GSK3B: variants seen among roughly 807,000 people sequenced by gnomAD.
GSK3B encodes the protein glycogen synthase kinase 3 beta.
A neutral mutation model predicts 56.4 loss-of-function variants in GSK3B; 15 were observed. That is an observed-to-expected ratio of 0.27 (90% CI 0.18 to 0.41). The LOEUF is 0.41. GSK3B is among the 10% of genes least tolerant of loss of function. GSK3B has a pLI of 1.00. For synonymous variants in GSK3B, 181 were observed against 188.9 expected (o/e 0.96, Z 0.34); for missense variants, 300 against 513.4 (o/e 0.58, Z 4.02).
intron 1 of GSK3B, among the ~76,000 whole-genome samples, chr3:120,038,648 T>C (rs1393476948): frequency 6.6e-6 from 1 of 151,982 alleles, no homozygotes; most frequent in Non-Finnish European, 1.5e-5. Context: ...TACACAAAAA[T>C]TAACTCAAAA....
intron 10 of GSK3B, among the ~76,000 whole-genome samples, chr3:119,839,097 G>A (rs913043073): frequency 1.3e-5 from 2 of 152,164 alleles, no homozygotes; most frequent in African/African-American, 4.8e-5. Flanking sequence ...TGATGACAGA[G>A]AACAATTACA....
At chr3:119,876,681 G>A (rs746538282) in intron 7 of GSK3B, among the ~76,000 whole-genome samples, 173 bp from the exon 8 acceptor site, 10 of 152,144 alleles carry the variant, frequency 6.6e-5, no homozygotes, top group Admixed American at 1.3e-4. Flanking sequence ...CTCATGTGTT[G>A]GAAACTTAAT....
intron 2 of GSK3B, among the ~76,000 whole-genome samples, chr3:119,948,464 G>C (rs2057122487): frequency 6.6e-6 from 1 of 152,166 alleles, no homozygotes; most frequent in South Asian, 2.1e-4. Flanking sequence ...CCTTTTATAA[G>C]ATATCAATCT....
At chr3:119,909,804 A>G (rs1287279810) in intron 6 of GSK3B, among the ~76,000 whole-genome samples, 2 of 151,884 alleles carry the variant, frequency 1.3e-5, no homozygotes, top group Non-Finnish European at 2.9e-5. Flanking sequence ...GTCAATGATG[A>G]TTAAAGCTAA....
chr3:120,024,825 T>C (rs1049874188), intron 1 of GSK3B, among the ~76,000 whole-genome samples: 2 of 151,754 alleles, frequency 1.3e-5, no homozygotes, highest in Non-Finnish European at 2.9e-5. Flanking sequence ...AGGGAAGCAA[T>C]GGAGTGGGAA....
chr3:120,041,303 T>C, intron 1 of GSK3B: 2 of 294,640 alleles, frequency 6.8e-6, no homozygotes, highest in Non-Finnish European at 1.4e-5. Flanking sequence ...TAGATAACCT[T>C]CCAGCTGATA....
chr3:120,000,668 C>G, intron 2 of GSK3B, among the ~76,000 whole-genome samples: 1 of 152,028 alleles, frequency 6.6e-6, no homozygotes, highest in East Asian at 1.9e-4. Context: ...TCTTCTGACT[C>G]TCTCTGCTAT....
intron 1 of GSK3B, among the ~76,000 whole-genome samples, chr3:120,033,703 C>T (rs1576285710): frequency 6.6e-6 from 1 of 152,202 alleles, no homozygotes; most frequent in South Asian, 2.1e-4. Context: ...GACAGACTTC[C>T]CCCTTGCTGT....
At chr3:119,927,921 T>A (rs558751537) in intron 3 of GSK3B, among the ~76,000 whole-genome samples, 2 of 152,230 alleles carry the variant, frequency 1.3e-5, no homozygotes, top group South Asian at 4.2e-4. Context: ...GAAATTTCTA[T>A]AAGGGTGAGA....
intron 2 of GSK3B, among the ~76,000 whole-genome samples, chr3:119,970,188 C>T (rs2057352644): frequency 6.6e-6 from 1 of 152,114 alleles, no homozygotes; most frequent in African/African-American, 2.4e-5. Context: ...GGTTTTAGTG[C>T]CATCTGCAGT....
intron 1 of GSK3B, among the ~76,000 whole-genome samples, chr3:120,056,110 C>G (rs1196825079): frequency 6.6e-6 from 1 of 152,164 alleles, no homozygotes; most frequent in Admixed American, 6.5e-5. Flanking sequence ...CAGGTATCTT[C>G]TATTAAGCAA....
At chr3:120,090,551 T>G (rs1161369845) in intron 1 of GSK3B, among the ~76,000 whole-genome samples, 1 of 152,180 alleles carries the variant, frequency 6.6e-6, no homozygotes, top group Non-Finnish European at 1.5e-5. Context: ...TTTTAACTCT[T>G]GACTCCTTCA....
intron 1 of GSK3B, among the ~76,000 whole-genome samples, chr3:120,039,167 G>C (rs2058046217): frequency 1.3e-5 from 2 of 152,146 alleles, no homozygotes; most frequent in Non-Finnish European, 1.5e-5. Flanking sequence ...GAACAGAATG[G>C]CTAAAATCCC....
chr3:119,828,887 T>A (rs1462843626), intron 10 of GSK3B, among the ~76,000 whole-genome samples: 1 of 152,252 alleles, frequency 6.6e-6, no homozygotes, highest in African/African-American at 2.4e-5. Flanking sequence ...AATCTTGTTG[T>A]CATGTACACA....
In GSK3B at chr3:119,826,386, A is replaced by T. The variant is rs1023621563; in HGVS notation, c.*402T>A. 4.8e-6 allele frequency: 2 copies of T among 416,980 alleles called. No homozygotes were observed. The highest frequency in any genetic ancestry group is 4.0e-5 in the African/African-American group (2 of 50,062). The allele number at this position is 416,980 out of a possible 1,614,324, so 25.8% of individuals were successfully genotyped here. A position where few individuals can be genotyped will look rare whatever the true frequency, so the allele number is the denominator to read the frequency against. Reference sequence around the variant, plus strand: ...GTCTCACACTAGACTTTAAAAGAAAACAAAGTTCAAAAAAACCCATCAGCA... The same window carrying T: ...GTCTCACACTAGACTTTAAAAGAAATCAAAGTTCAAAAAAACCCATCAGCA... On this transcript the variant is annotated 3_prime_UTR_variant, in exon 11 of 11. Transcript: ENST00000264235.
At chr3:119,877,731 T>C (rs1366989645) in intron 7 of GSK3B, among the ~76,000 whole-genome samples, 1 of 152,150 alleles carries the variant, frequency 6.6e-6, no homozygotes. Context: ...CAAAAAAGTA[T>C]AATTACAGTA....
intron 1 of GSK3B, among the ~76,000 whole-genome samples, chr3:120,087,109 A>G (rs935139009): frequency 1.3e-5 from 2 of 152,228 alleles, no homozygotes; most frequent in African/African-American, 4.8e-5. Context: ...TTGTCTGCAG[A>G]TATTAGCTGC....
At chr3:120,021,516 C>CAA (rs529653038) in intron 1 of GSK3B, among the ~76,000 whole-genome samples, 2 of 129,036 alleles carry the variant, frequency 1.5e-5, no homozygotes, top group Admixed American at 7.9e-5. Flanking sequence ...ACTCCATCTC[C>CAA]AAAAAAAAAA....
intron 1 of GSK3B, among the ~76,000 whole-genome samples, chr3:120,022,380 T>C (rs1303763127): frequency 2.0e-5 from 3 of 152,246 alleles, no homozygotes; most frequent in Non-Finnish European, 4.4e-5. Context: ...AAAAATTGTG[T>C]GATGTGCTTT....
Sources: gnomAD v4.1 joint callset for allele counts (sites outside exome capture counted in the v4.1 genomes callset) on GRCh38, gnomAD v4.1.1 for gene constraint, MANE v1.5 for transcripts, NCBI Gene and HGNC (gene_info 2026-07-23, HGNC 2026-07-21) for gene names.